NR3C2: variants seen among roughly 807,000 people sequenced by gnomAD.
NR3C2 encodes the protein nuclear receptor subfamily 3 group C member 2, also known as mineralocorticoid receptor.
NR3C2 carries 15 observed loss-of-function variants against 86.4 expected under a neutral mutation model. That is an observed-to-expected ratio of 0.17 (90% CI 0.12 to 0.27). NR3C2 has a LOEUF of 0.27. NR3C2 is among the 10% of genes least tolerant of loss of function. The pLI is 1.00. For synonymous variants in NR3C2, 458 were observed against 450.5 expected (o/e 1.02, Z -0.21); for missense variants, 960 against 1,195.6 (o/e 0.80, Z 2.91).
At chr4:148,311,407 C>G (rs534101289) in intron 2 of NR3C2, among the ~76,000 whole-genome samples, 2 of 152,186 alleles carry the variant, frequency 1.3e-5, no homozygotes, top group Admixed American at 6.5e-5. Context: ...TGCATTCTTG[C>G]AGCTGCTCAA....
At chr4:148,389,057 C>T (rs892288119) in intron 2 of NR3C2, among the ~76,000 whole-genome samples, 1 of 152,214 alleles carries the variant, frequency 6.6e-6, no homozygotes, top group African/African-American at 2.4e-5. Context: ...TCAATTAACT[C>T]AATGTTCAAC....
At chr4:148,134,641 CTCTTT>C (rs1166305945) in intron 6 of NR3C2, among the ~76,000 whole-genome samples, 62 of 60,954 alleles carry the variant, frequency 1.0e-3, no homozygotes, top group Admixed American at 1.2e-3. Context: ...CTCTCTCTCT[CTCTTT>C]TTTTTTTTTT....
intron 2 of NR3C2, among the ~76,000 whole-genome samples, chr4:148,410,242 C>T (rs1252315551): frequency 6.6e-6 from 1 of 152,154 alleles, no homozygotes; most frequent in African/African-American, 2.4e-5. Context: ...CTCAGTTCAT[C>T]TCAAACCAGC....
At chr4:148,422,951 C>A (rs35118070) in intron 2 of NR3C2, among the ~76,000 whole-genome samples, 1 of 152,142 alleles carries the variant, frequency 6.6e-6, no homozygotes, top group Non-Finnish European at 1.5e-5. Flanking sequence ...TTCCTATACT[C>A]CTTGGCAATC....
intron 2 of NR3C2, among the ~76,000 whole-genome samples, chr4:148,322,599 A>C (rs1377981322): frequency 3.1e-5 from 2 of 64,934 alleles, no homozygotes; most frequent in African/African-American, 6.8e-5. Context: ...TTTTTCTCTA[A>C]ACTTCCCTTC....
intron 2 of NR3C2, among the ~76,000 whole-genome samples, chr4:148,422,883 T>C (rs974815717): frequency 2.6e-5 from 4 of 152,176 alleles, no homozygotes; most frequent in Non-Finnish European, 4.4e-5. Context: ...TCTCTTACAT[T>C]AGAGCCATAA....
chr4:148,189,863 T>A (rs887756524), intron 4 of NR3C2, among the ~76,000 whole-genome samples: 3 of 152,230 alleles, frequency 2.0e-5, no homozygotes, highest in African/African-American at 7.2e-5. Context: ...TCTTTTGTAT[T>A]TCAGTGGTGT....
At chr4:148,143,869 C>T (rs981524803) in intron 6 of NR3C2, among the ~76,000 whole-genome samples, 1 of 150,824 alleles carries the variant, frequency 6.6e-6, no homozygotes, top group Non-Finnish European at 1.5e-5. Flanking sequence ...ATCCCTTGAA[C>T]CCGGGAGGCG....
At position 148,436,779 on chromosome 4, in the gene NR3C2, G is replaced by A. The variant is rs576737645; in HGVS notation, c.82C>T (p.Arg28Cys). The A allele has an allele frequency of 1.2e-6, 2 of 1,613,594 alleles. No homozygotes were observed. Among genetic ancestry groups the A allele is most frequent in the Admixed American group, 1.7e-5 (1 of 59,970 alleles). The change falls in exon 2 of 9, where the codon CGT becomes TGT. Residue 28 changes from arginine (R) to cysteine (C), a missense_variant. Physicochemically the swap from Arg to Cys is radical, Grantham distance 180. Coordinates refer to ENST00000358102, the MANE Select transcript of NR3C2 (RefSeq NM_000901.5). ...RWGQVSQAVE[R>C]SSLGPTERTD... ...CTCTCTGTAGGTCCCAGGGAAGAAC[G>A]CTCCACAGCCTGAGAAACTTGACCC...
chr4:148,412,984 GT>G (rs61758273), intron 2 of NR3C2, among the ~76,000 whole-genome samples: 67 of 152,194 alleles, frequency 4.4e-4, no homozygotes, highest in Non-Finnish European at 8.2e-4. Context: ...TTCAAAAGAA[GT>G]TTAAGACAGC....
chr4:148,184,883 G>A (rs775793911), intron 4 of NR3C2, among the ~76,000 whole-genome samples: 22 of 152,196 alleles, frequency 1.4e-4, no homozygotes, highest in Non-Finnish European at 3.2e-4. Flanking sequence ...AAGGAGCTCA[G>A]AAGTTCAAAA....
intron 2 of NR3C2, among the ~76,000 whole-genome samples, chr4:148,317,640 A>C (rs1165626160): frequency 6.6e-6 from 1 of 152,152 alleles, no homozygotes; most frequent in African/African-American, 2.4e-5. Context: ...ATCTCAAAGA[A>C]GATGATGTTC....
At chr4:148,156,091 C>T (rs1011954908) in intron 4 of NR3C2, among the ~76,000 whole-genome samples, 11 of 152,086 alleles carry the variant, frequency 7.2e-5, no homozygotes, top group African/African-American at 2.4e-4. Context: ...CCCTTCCTTA[C>T]ACCTTATACA....
intron 8 of NR3C2, among the ~76,000 whole-genome samples, chr4:148,107,923 T>C (rs919152047): frequency 4.7e-4 from 72 of 152,096 alleles, no homozygotes; most frequent in African/African-American, 1.7e-3. Context: ...AGATGATGGG[T>C]TGATAGGTGC....
At chr4:148,241,939 G>A (rs1455438485) in intron 3 of NR3C2, among the ~76,000 whole-genome samples, 1 of 152,094 alleles carries the variant, frequency 6.6e-6, no homozygotes, top group Non-Finnish European at 1.5e-5. Flanking sequence ...AAATAAGCCA[G>A]TCAAAAAAGG....
chr4:148,262,653 C>A (rs1287485165), intron 2 of NR3C2, among the ~76,000 whole-genome samples: 1 of 152,040 alleles, frequency 6.6e-6, no homozygotes, highest in African/African-American at 2.4e-5. Flanking sequence ...TAGGGTTGTG[C>A]AGATGTAATT....
At chr4:148,355,647 G>T (rs559816310) in intron 2 of NR3C2, among the ~76,000 whole-genome samples, 1 of 152,262 alleles carries the variant, frequency 6.6e-6, no homozygotes, top group South Asian at 2.1e-4. Flanking sequence ...TACAGGAAGG[G>T]CAGGGCCATC....
In NR3C2 at chr4:148,399,452, T is replaced by G. The variant is rs72729993; in HGVS notation, c.1757+35652A>C. ...ATATAATTAATAAGAACATAATTTT[T>G]CAAAACACTACATAATGATAAAACA... On this transcript the variant is annotated intron_variant, in intron 2 of 8. Coordinates refer to ENST00000358102, the MANE Select transcript of NR3C2 (RefSeq NM_000901.5). Among the ~76,000 whole-genome samples the G allele has an allele frequency of 8.0e-3, 1,211 of 151,960 alleles. 8 individuals are homozygous for G. Among genetic ancestry groups the G allele is most frequent in the Non-Finnish European group, 0.015 (1,015 of 67,952 alleles).
At chr4:148,322,698 C>T (rs1322961467) in intron 2 of NR3C2, among the ~76,000 whole-genome samples, 99 of 117,496 alleles carry the variant, frequency 8.4e-4, no homozygotes, top group African/African-American at 3.1e-3. Flanking sequence ...GCATTCTTCA[C>T]GTAGTTCTCG....
Sources: allele counts gnomAD v4.1 joint callset (sites outside exome capture counted in the v4.1 genomes callset), GRCh38; gene constraint gnomAD v4.1.1; transcripts MANE v1.5; gene names NCBI Gene and HGNC (gene_info 2026-07-23, HGNC 2026-07-21).